The following ABHD2 variants were observed in gnomAD, a reference collection of about 807,000 sequenced individuals.
ABHD2 encodes the protein abhydrolase domain containing 2, acylglycerol lipase.
ABHD2 carries 20 observed loss-of-function variants against 48.1 expected under a neutral mutation model. The observed-to-expected ratio is 0.42, with a 90% confidence interval of 0.29 to 0.60. ABHD2 has a LOEUF of 0.60. Ranked by LOEUF, ABHD2 falls within the 20% of genes least tolerant of loss-of-function variation. The probability of loss-of-function intolerance (pLI) is 0.24; values close to 1 mark genes in which losing one functional copy is unlikely to be tolerated. For synonymous variants in ABHD2, 209 were observed against 214.2 expected (o/e 0.98, Z 0.21); for missense variants, 405 against 550.9 (o/e 0.74, Z 2.65).
intron 3 of ABHD2, chr15:89,136,328 C>T (rs750055427): frequency 3.3e-5 from 16 of 482,466 alleles, no homozygotes; most frequent in Non-Finnish European, 6.1e-5. Context: ...ATTTTCCTTT[C>T]TGTTTAGTAG....
chr15:89,097,886 G>A lies in ABHD2; in HGVS notation c.-107+9323G>A, dbSNP rs890219005. Among the ~76,000 whole-genome samples, 3 of 152,090 alleles carry A rather than the reference G, an allele frequency of 2.0e-5. No individual in the cohort carries two copies. Among genetic ancestry groups the A allele is most frequent in the African/African-American group, 7.2e-5 (3 of 41,408 alleles). ...ACTTAACATGGAATTATACATGTTA[G>A]CAAATTTCTTGTTTTTTCTTTTTTG... On this transcript the variant is annotated intron_variant, in intron 1 of 10. Transcript: ENST00000352732. This position sits in a 1 kb window ranked among gnomAD's most constrained non-coding sequence, Gnocchi z 4.2.
chr15:89,116,336 C>T lies in ABHD2; in HGVS notation c.9C>T (p.Ala3=), dbSNP rs894283262. The T allele has an allele frequency of 1.2e-6, 2 of 1,613,450 alleles. No individual in the cohort carries two copies. The highest frequency in any genetic ancestry group is 1.7e-6 in the Non-Finnish European group (2 of 1,179,686). Residue 3 remains alanine, a synonymous_variant, in exon 3 of 11, where the codon GCC becomes GCT. Coordinates refer to ENST00000352732, the MANE Select transcript of ABHD2 (RefSeq NM_152924.5). This position sits in a 1 kb window ranked among gnomAD's most constrained non-coding sequence, Gnocchi z 4.6. ...CTGCTCCCCAGATCAAGATGAATGC[C>T]ATGCTGGAGACTCCCGAACTCCCAG... MN[A]MLETPELPAV...
the ABHD2 span, among the ~76,000 whole-genome samples, chr15:89,073,672 T>C: frequency 6.6e-6 from 1 of 152,174 alleles, no homozygotes; most frequent in Non-Finnish European, 1.5e-5. Flanking sequence ...ACTCTAACCA[T>C]GCGAAGCATC....
At chr15:89,113,166 C>G (rs2049902712) in intron 1 of ABHD2, among the ~76,000 whole-genome samples, 1 of 152,206 alleles carries the variant, frequency 6.6e-6, no homozygotes, top group Non-Finnish European at 1.5e-5. Context: ...CAGCCAGCCT[C>G]TGGCCATAGT....
chr15:89,157,842 C>CA (rs1278175126), intron 5 of ABHD2, among the ~76,000 whole-genome samples: 1 of 151,208 alleles, frequency 6.6e-6, no homozygotes, highest in Admixed American at 6.6e-5. Context: ...GACTCCATCT[C>CA]AAAAAATTAA....
At chr15:89,131,170 G>T (rs1407160697) in intron 3 of ABHD2, among the ~76,000 whole-genome samples, 1 of 152,152 alleles carries the variant, frequency 6.6e-6, no homozygotes, top group South Asian at 2.1e-4. Context: ...AAACCAAGTG[G>T]CTCCTCACTG....
chr15:89,136,659 G>A (rs552709317), intron 3 of ABHD2, among the ~76,000 whole-genome samples: 15 of 152,318 alleles, frequency 9.8e-5, no homozygotes, highest in African/African-American at 3.1e-4. Context: ...TTGCTCTCCA[G>A]CCAGCGCAGC....
intron 9 of ABHD2, 128 bp downstream of exon 9, chr15:89,191,277 C>A: frequency 1.1e-6 from 1 of 879,148 alleles, no homozygotes; most frequent in South Asian, 1.6e-5. Flanking sequence ...GCTCTTTTAG[C>A]TTGGATTTGT....
intron 3 of ABHD2, among the ~76,000 whole-genome samples, chr15:89,144,052 A>G (rs762660112): frequency 1.8e-4 from 28 of 152,214 alleles, no homozygotes; most frequent in Admixed American, 7.2e-4. Flanking sequence ...AGAATTGAAA[A>G]CAGATGTTCA....
intron 3 of ABHD2, chr15:89,135,866 G>T (rs1168930577): frequency 1.3e-5 from 9 of 702,468 alleles, no homozygotes; most frequent in East Asian, 2.5e-5. Context: ...AACAGAACAG[G>T]ACAGAACAGA....
the ABHD2 span, among the ~76,000 whole-genome samples, chr15:89,081,358 T>G: frequency 6.6e-6 from 1 of 151,914 alleles, no homozygotes; most frequent in Non-Finnish European, 1.5e-5. Context: ...TTCCATTACT[T>G]GTACTTACCA....
the ABHD2 span, among the ~76,000 whole-genome samples, chr15:89,067,985 A>T: frequency 1.3e-5 from 2 of 152,072 alleles, no homozygotes; most frequent in African/African-American, 2.4e-5. Flanking sequence ...ACAAATACTG[A>T]ATCACCTTCC....
chr15:89,180,183 G>A (rs528130827), intron 6 of ABHD2, among the ~76,000 whole-genome samples: 17 of 152,248 alleles, frequency 1.1e-4, no homozygotes, highest in African/African-American at 4.1e-4. Context: ...CCTCACCCTG[G>A]GAAACAGCTC....
At chr15:89,139,094 C>G (rs543277488) in intron 3 of ABHD2, among the ~76,000 whole-genome samples, 2 of 152,034 alleles carry the variant, frequency 1.3e-5, no homozygotes, top group Non-Finnish European at 2.9e-5. Flanking sequence ...GCCTGTGGTC[C>G]CAGCTACTCA....
chr15:89,101,941 C>T (rs555928473), intron 1 of ABHD2, among the ~76,000 whole-genome samples: 1 of 152,312 alleles, frequency 6.6e-6, no homozygotes, highest in Non-Finnish European at 1.5e-5. Context: ...CTCACTTCAG[C>T]CCCTCATATG....
chr15:89,059,810 A>G, the ABHD2 span, among the ~76,000 whole-genome samples: 26 of 152,222 alleles, frequency 1.7e-4, no homozygotes, highest in South Asian at 5.2e-3. Context: ...TGAGTCTCCT[A>G]TTGCAGAGCC....
chr15:89,191,627 C>CTTTTTT (rs57919032), intron 9 of ABHD2, among the ~76,000 whole-genome samples: 1 of 121,744 alleles, frequency 8.2e-6, no homozygotes, highest in Non-Finnish European at 1.7e-5. Context: ...CTATTTTTTT[C>CTTTTTT]TTTTTTTTTT....
chr15:89,062,828 A>G, the ABHD2 span, among the ~76,000 whole-genome samples: 1 of 152,188 alleles, frequency 6.6e-6, no homozygotes, highest in Non-Finnish European at 1.5e-5. Context: ...GAGACGCTAA[A>G]GCCGGCCTGT....
At position 89,116,605 on chromosome 15, in the gene ABHD2, C is replaced by G; in HGVS notation, c.194+84C>G. The G allele has an allele frequency of 2.8e-6, 4 of 1,443,770 alleles. No individual in the cohort carries two copies. The highest frequency in any genetic ancestry group is 2.6e-5 in the South Asian group (2 of 75,742). The allele number at this position is 1,443,770 out of a possible 1,614,324, so 89.4% of individuals were successfully genotyped here. ...TGTTCAAAGAAGAAACTTCTCTCAT[C>G]GTGTCCTTAAGGCATCAATGGGATA... On this transcript the variant is annotated intron_variant, in intron 3 of 10. Transcript: ENST00000352732. The surrounding 1 kb of genome is among the most constrained non-coding windows in gnomAD (Gnocchi z 4.6).
Sources: allele counts gnomAD v4.1 joint callset (sites outside exome capture counted in the v4.1 genomes callset), GRCh38; gene constraint gnomAD v4.1.1; non-coding constraint Gnocchi (gnomAD v3.1); transcripts MANE v1.5; gene names NCBI Gene and HGNC (gene_info 2026-07-23, HGNC 2026-07-21).